SHANK1: variants seen among roughly 807,000 people sequenced by gnomAD.
SHANK1 encodes SH3 and multiple ankyrin repeat domains 1, also known as SH3 and multiple ankyrin repeat domains protein 1.
SHANK1 carries 35 observed loss-of-function variants against 165.6 expected under a neutral mutation model. The ratio of observed to expected loss-of-function variants is 0.21; its 90% CI spans 0.16 to 0.28. SHANK1 has a LOEUF of 0.28. Among genes scored for constraint, SHANK1 ranks in the 10% least tolerant of loss-of-function variants. The pLI, the probability that SHANK1 is intolerant of heterozygous loss-of-function variation, is 1.00. For missense variants in SHANK1, 2,681 were observed against 3,036.4 expected, an observed-to-expected ratio of 0.88 and a Z score of 2.75; for synonymous variants, 1,428 against 1,384.8, an observed-to-expected ratio of 1.03 and a Z score of -0.69.
chr19:50,713,776 T>TG lies in SHANK1; in HGVS notation c.792+21dup, dbSNP rs371506383. On this transcript the variant is annotated intron_variant, in intron 6 of 23. Transcript: ENST00000293441. The surrounding 1 kb of genome is among the most constrained non-coding windows in gnomAD (Gnocchi z 6.2). ...AGGAGAGAGGGCCCCATGGCGGGGA[T>TG]GGGGGGTCCCCGAAGCCTCACCGTG... is the stretch of plus-strand genomic sequence containing the variant. 1.4e-5 allele frequency: 23 copies of TG among 1,610,554 alleles called. No individual in the cohort carries two copies. Among genetic ancestry groups the TG allele is most frequent in the African/African-American group, 1.2e-4 (9 of 74,916 alleles).
In SHANK1 at chr19:50,667,549, G is replaced by A. The variant is rs1191198806; in HGVS notation, c.4411C>T (p.Pro1471Ser). 6.1e-6 allele frequency: 9 copies of A among 1,471,758 alleles called. No individual in the cohort carries two copies. In the Admixed American group the frequency reaches 7.7e-5, roughly 13 times the overall value. 91.2% of individuals were successfully genotyped at this position (1,471,758 alleles called of 1,614,324 possible). A position where few individuals can be genotyped will look rare whatever the true frequency, so the allele number is the denominator to read the frequency against. Residue 1471 changes from proline (P) to serine (S), a missense_variant, in exon 23 of 24, where the codon CCC (proline) becomes TCC (serine). By Grantham distance (74) the Pro-to-Ser change is moderately conservative. Coordinates refer to ENST00000293441, the MANE Select transcript of SHANK1 (RefSeq NM_016148.5). This position sits in a 1 kb window ranked among gnomAD's most constrained non-coding sequence, Gnocchi z 5.7. ...GACCTCCAGGGCTTGCTTACTCCGGGGTGCGGGGCCGGGGGCTCCGTCCCC... is the reference window on the plus strand; with the variant it reads ...GACCTCCAGGGCTTGCTTACTCCGGAGTGCGGGGCCGGGGGCTCCGTCCCC... ...QLGTEPPAPH[P>S]GVSKPWRSAA...
intron 15 of SHANK1, 59 bp from the exon 16 acceptor site, chr19:50,689,338 G>T: frequency 7.8e-7 from 1 of 1,280,076 alleles, no homozygotes; most frequent in Non-Finnish European, 1.1e-6. Flanking sequence ...GACATCATGA[G>T]ACACAGAGGC....
In SHANK1 at chr19:50,666,443, G is replaced by A. The variant is rs1280870418; in HGVS notation, c.5517C>T (p.Pro1839=). The A allele has an allele frequency of 1.2e-6, 2 of 1,609,588 alleles. No individual in the cohort carries two copies. Among genetic ancestry groups the A allele is most frequent in the African/African-American group, 1.3e-5 (1 of 75,038 alleles). Residue 1839 remains proline (P), a synonymous_variant, in exon 23 of 24, where the codon CCC becomes CCT. Transcript: ENST00000293441. ...GCGGTGGGCCCGGGCCCTCCTCCCA[G>A]GGCAGCAGCTTCCGGGGCAGAGAGG... The part of the protein sequence containing the change: ...TASSLPRKLL[P]WEEGPGPPPP...
rs1366338397 is a variant in SHANK1 at position 50,659,648 on chromosome 19, T to G, written c.*2317A>C. Among the ~76,000 whole-genome samples, 3 of 148,678 alleles carry G rather than the reference T, an allele frequency of 2.0e-5. No individual in the cohort carries two copies. Among genetic ancestry groups the G allele is most frequent in the Non-Finnish European group, 3.0e-5 (2 of 67,048 alleles). ...TTTGTGTGTTCTAGGGGTTTTGTGT[T>G]TTTTTTTTCTGTTTTTTATATTTTC... On this transcript the variant is annotated 3_prime_UTR_variant, in exon 24 of 24. Coordinates refer to ENST00000293441, the MANE Select transcript of SHANK1 (RefSeq NM_016148.5).
Position 50,697,342 on chromosome 19 carries a change from C to G in SHANK1, c.1938-220G>C, listed in dbSNP as rs933572015. On this transcript the variant is annotated intron_variant, in intron 14 of 23. Coordinates refer to ENST00000293441, the MANE Select transcript of SHANK1 (RefSeq NM_016148.5). The surrounding 1 kb of genome is among the most constrained non-coding windows in gnomAD (Gnocchi z 4.7). ...AGCGCCCCGGCCCCCCCAGGCATCC[C>G]CACCCTGCCCTGACCACCCCGTTGT... Among the ~76,000 whole-genome samples the G allele has an allele frequency of 6.6e-6, 1 of 152,186 alleles. No individual in the cohort carries two copies. The highest frequency in any genetic ancestry group is 2.4e-5 in the African/African-American group (1 of 41,438).
chr19:50,705,776 G>C (rs2088931356), intron 8 of SHANK1, among the ~76,000 whole-genome samples: 1 of 152,190 alleles, frequency 6.6e-6, no homozygotes, highest in South Asian at 2.1e-4. Flanking sequence ...TGGCACTTTA[G>C]AGGCAGAAGC....
In SHANK1 at chr19:50,711,931, C is replaced by A; in HGVS notation, c.960+16G>T. 1 of 1,613,886 alleles carries A rather than the reference C, an allele frequency of 6.2e-7. No homozygotes were observed. The highest frequency in any genetic ancestry group is 8.5e-7 in the Non-Finnish European group (1 of 1,179,980). The stretch of plus-strand genomic sequence containing the variant: ...GGTCCCCCACCCCAGCCCTTCATGG[C>A]CTGAATCAGGAGCACCTGGTGGATT... On this transcript the variant is annotated intron_variant, in intron 7 of 23. Transcript: ENST00000293441.
intron 21 of SHANK1, among the ~76,000 whole-genome samples, chr19:50,672,555 CAAAAAAAAAAAAAAAAA>C (rs3987747): frequency 2.8e-5 from 1 of 35,508 alleles, no homozygotes; most frequent in Admixed American, 3.2e-4. Flanking sequence ...GACTCTGTCT[CAAAAAAAAAAAAAAAAA>C]AAAAAAAAGA....
rs779638696 is a variant in SHANK1, at chr19:50,666,691, G to A, written c.5269C>T (p.Leu1757Phe). 18 of 1,584,712 alleles carry A rather than the reference G, an allele frequency of 1.1e-5. No homozygotes were observed. Among genetic ancestry groups the A allele is most frequent in the Non-Finnish European group, 1.5e-5 (17 of 1,167,960 alleles). The change falls in exon 23 of 24, where the codon CTC (leucine) becomes TTC (phenylalanine). Residue 1757 changes from leucine to phenylalanine, a missense_variant. Leu to Phe is a conservative substitution (Grantham distance 22, BLOSUM62 0). Transcript: ENST00000293441. Reference sequence around the variant, plus strand: ...CTGGCTCCTAGCGCCCGGCCCCGGAGCTTAGAGGGAGTCATGAGCTGAGGA... The same window carrying A: ...CTGGCTCCTAGCGCCCGGCCCCGGAACTTAGAGGGAGTCATGAGCTGAGGA... The part of the protein sequence containing the change: ...YPPQLMTPSK[L>F]RGRALGASGG...
intron 4 of SHANK1, among the ~76,000 whole-genome samples, chr19:50,714,760 G>T (rs1177923142): frequency 6.6e-6 from 1 of 151,672 alleles, no homozygotes; most frequent in Non-Finnish European, 1.5e-5. Context: ...TCGTGTTAAT[G>T]ATATATGTTA....
Position 50,673,585 on chromosome 19 carries a change from A to G in SHANK1, c.2578-1471T>C, listed in dbSNP as rs559440205. Among the ~76,000 whole-genome samples, 6 of 152,138 alleles carry G rather than the reference A, an allele frequency of 3.9e-5. No individual in the cohort carries two copies. In the East Asian group the frequency reaches 1.2e-3, roughly 29 times the overall value. The stretch of plus-strand genomic sequence containing the variant: ...TTTCTTCACAGCATCTCTCTTCCCC[A>G]GAAACCATCTTGTTTACTTGCTGTC... On this transcript the variant is annotated intron_variant, in intron 21 of 23. Coordinates refer to ENST00000293441, the MANE Select transcript of SHANK1 (RefSeq NM_016148.5).
intron 15 of SHANK1, among the ~76,000 whole-genome samples, chr19:50,694,326 C>T (rs530301374): frequency 1.4e-4 from 20 of 147,142 alleles, no homozygotes; most frequent in African/African-American, 4.0e-4. Context: ...GGGCGGGATG[C>T]GTGTGTGATG....
chr19:50,680,331 G>A (rs1053633307), intron 21 of SHANK1, among the ~76,000 whole-genome samples: 2 of 152,240 alleles, frequency 1.3e-5, no homozygotes, highest in East Asian at 1.9e-4. Context: ...GAGGGCCTGC[G>A]CAGCCCCAGG....
Position 50,712,902 on chromosome 19 carries a change from G to GGTGGCCA in SHANK1, c.793-795_793-789dup, listed in dbSNP as rs745350430. Among the ~76,000 whole-genome samples the GGTGGCCA allele has an allele frequency of 1.3e-3, 204 of 152,324 alleles. 1 individual carries two copies. Among genetic ancestry groups the GGTGGCCA allele is most frequent in the Non-Finnish European group, 1.1e-3 (74 of 68,038 alleles). On this transcript the variant is annotated intron_variant, in intron 6 of 23. Transcript: ENST00000293441. Reference sequence around the variant, plus strand: ...TTTAATTTAAATTTAAACAGCCCCAGGTGGCCAGTGGCTACTGGCTTGGAT... The same window carrying GGTGGCCA: ...TTTAATTTAAATTTAAACAGCCCCAGGTGGCCAGTGGCCAGTGGCTACTGGCTTGGAT...
At position 50,671,117 on chromosome 19, in the gene SHANK1, G is replaced by A. The variant is rs972968618; in HGVS notation, c.2674+901C>T. ...CATCTATAGGTTTTAGCTCAAACCT[G>A]CACCCTGCCCCCTACCCAGCACTCC... On this transcript the variant is annotated intron_variant, in intron 22 of 23. Transcript: ENST00000293441. Among the ~76,000 whole-genome samples the A allele has an allele frequency of 3.4e-5, 5 of 146,288 alleles. No individual in the cohort carries two copies. The South Asian group carries it at 8.7e-4, about 26-fold the overall frequency.
chr19:50,692,414 C>A (rs767780375), intron 15 of SHANK1, among the ~76,000 whole-genome samples: 60 of 149,028 alleles, frequency 4.0e-4, no homozygotes, highest in Non-Finnish European at 7.6e-4. Flanking sequence ...CTCAAGATGA[C>A]ACCAGCTAGA....
rs1292391977 is a variant in SHANK1 at position 50,716,024 on chromosome 19, C to A, written c.459+251G>T. ...GCCTACTGTAATTGGGAATCCTCCCCCAATTTGATGGGTGAGGAGAAGCTT... is the reference window on the plus strand; with the variant it reads ...GCCTACTGTAATTGGGAATCCTCCCACAATTTGATGGGTGAGGAGAAGCTT... On this transcript the variant is annotated intron_variant, in intron 3 of 23. Transcript: ENST00000293441. The surrounding 1 kb of genome is among the most constrained non-coding windows in gnomAD (Gnocchi z 8.4). Among the ~76,000 whole-genome samples, 1 of 152,132 alleles carries A rather than the reference C, an allele frequency of 6.6e-6. No individual in the cohort carries two copies. Among genetic ancestry groups the A allele is most frequent in the Non-Finnish European group, 1.5e-5 (1 of 68,032 alleles).
In SHANK1 at chr19:50,714,722, G is replaced by A. The variant is rs557949711; in HGVS notation, c.532-432C>T. Among the ~76,000 whole-genome samples the A allele has an allele frequency of 8.7e-4, 132 of 151,448 alleles. 1 individual carries two copies. The highest frequency in any genetic ancestry group is 1.9e-3 in the South Asian group (9 of 4,754). On this transcript the variant is annotated intron_variant, in intron 4 of 23. Transcript: ENST00000293441. ...AAAAAAAAAAAAAATCAGGGTGGTT[G>A]GGGGTGAAGTGTTAGTTGTGTTGAA...
chr19:50,714,161 C>G (rs903497447), intron 5 of SHANK1, 21 bp downstream of exon 5: 10 of 1,608,420 alleles, frequency 6.2e-6, no homozygotes, highest in Non-Finnish European at 8.5e-6. Flanking sequence ...TGAGGTCCTC[C>G]TGATGCGCAC....
Sources: gnomAD v4.1 joint callset for allele counts (sites outside exome capture counted in the v4.1 genomes callset) on GRCh38, gnomAD v4.1.1 for gene constraint, Gnocchi (gnomAD v3.1) non-coding constraint, MANE v1.5 for transcripts, NCBI Gene and HGNC (gene_info 2026-07-23, HGNC 2026-07-21) for gene names.